Variants in FYB1 observed in about 807,000 individuals in gnomAD.
The protein encoded by FYB1 is FYN-binding protein 1.
FYB1 carries 41 observed loss-of-function variants against 94.1 expected under a neutral mutation model. The observed-to-expected ratio is 0.44, with a 90% CI of 0.34 to 0.57. FYB1 has a LOEUF of 0.57. Among genes scored for constraint, FYB1 ranks in the 20% least tolerant of loss-of-function variants. FYB1 has a pLI of 0.02. For synonymous variants in FYB1, 367 were observed against 353.2 expected (o/e 1.04, Z -0.44); for missense variants, 1,050 against 976.8 (o/e 1.07, Z -1.00).
At chr5:39,272,499 CT>C (rs1228185601) in intron 1 of FYB1, among the ~76,000 whole-genome samples, 2 of 44,280 alleles carry the variant, frequency 4.5e-5, no homozygotes, top group Non-Finnish European at 2.2e-4. Context: ...CCCGTCTCTA[CT>C]AAAAAAAAAA....
chr5:39,242,498 CA>C (rs1470437457), intron 1 of FYB1, among the ~76,000 whole-genome samples: 1 of 152,090 alleles, frequency 6.6e-6, no homozygotes, highest in African/African-American at 2.4e-5. Context: ...CATAGTATTC[CA>C]TGGTGTATAT....
intron 2 of FYB1, among the ~76,000 whole-genome samples, chr5:39,198,287 T>C (rs908276060): frequency 4.6e-5 from 7 of 152,204 alleles, no homozygotes; most frequent in African/African-American, 1.7e-4. Flanking sequence ...CCACTGACTT[T>C]GAAGTCTACA....
At chr5:39,139,151 T>C (rs1741925342) in intron 5 of FYB1, 82 bp downstream of exon 5, 1 of 1,274,966 alleles carries the variant, frequency 7.8e-7, no homozygotes, top group Non-Finnish European at 1.1e-6. Flanking sequence ...TTGTTTGTTT[T>C]GTACCAATAC....
chr5:39,109,680 A>G (rs1247600139), intron 17 of FYB1, among the ~76,000 whole-genome samples: 1 of 152,028 alleles, frequency 6.6e-6, no homozygotes, highest in Non-Finnish European at 1.5e-5. Flanking sequence ...AATTCTGTAA[A>G]TCTTTGCATT....
intron 6 of FYB1, 61 bp downstream of exon 6, chr5:39,138,596 C>G: frequency 1.0e-6 from 1 of 985,336 alleles, no homozygotes; most frequent in Non-Finnish European, 1.6e-6. Flanking sequence ...CACTCTCCCT[C>G]ATACAAAACA....
intron 2 of FYB1, among the ~76,000 whole-genome samples, chr5:39,190,350 T>C (rs1561237708): frequency 1.3e-5 from 2 of 152,084 alleles, no homozygotes; most frequent in Non-Finnish European, 2.9e-5. Flanking sequence ...GGGAGAAAGT[T>C]GGTTGGGGGC....
intron 3 of FYB1, among the ~76,000 whole-genome samples, chr5:39,145,362 T>C (rs920801029): frequency 6.6e-6 from 1 of 152,186 alleles, no homozygotes; most frequent in African/African-American, 2.4e-5. Flanking sequence ...ATTAAATATG[T>C]TAATATATAC....
intron 1 of FYB1, among the ~76,000 whole-genome samples, chr5:39,238,622 G>A (rs897885966): frequency 1.3e-5 from 2 of 151,950 alleles, no homozygotes; most frequent in African/African-American, 4.8e-5. Flanking sequence ...TGCAAGAAGA[G>A]AGAAAAAAGA....
chr5:39,114,090 A>G (rs1158086518), intron 16 of FYB1, among the ~76,000 whole-genome samples: 2 of 152,160 alleles, frequency 1.3e-5, no homozygotes, highest in Non-Finnish European at 2.9e-5. Context: ...ATTTGGGAAG[A>G]TCGAAAGCAC....
At position 39,161,949 on chromosome 5, in the gene FYB1, A is replaced by G. The variant is rs570635216; in HGVS notation, c.1136-8345T>C. On this transcript the variant is annotated intron_variant, in intron 2 of 18. Transcript: ENST00000512982. ...TATTTCATGTCAACAGAATCATACA[A>G]TATGTGGTTGTTTGTGACTAGTTTC... 1.8e-4 allele frequency among the ~76,000 whole-genome samples: 27 copies of G among 152,200 alleles called. 1 individual carries two copies. The highest frequency in any genetic ancestry group is 4.6e-4 in the Admixed American group (7 of 15,284).
chr5:39,133,734 A>G (rs1019422503), intron 9 of FYB1, among the ~76,000 whole-genome samples: 1 of 152,134 alleles, frequency 6.6e-6, no homozygotes, highest in African/African-American at 2.4e-5. Flanking sequence ...TAGGGATCAT[A>G]AAAAAACGGA....
chr5:39,148,155 TTA>T (rs10528848), intron 3 of FYB1, among the ~76,000 whole-genome samples: 501 of 37,536 alleles, frequency 0.013, no homozygotes, highest in Non-Finnish European at 0.017. Flanking sequence ...TATGTATTTT[TTA>T]TATATATATA....
intron 1 of FYB1, among the ~76,000 whole-genome samples, chr5:39,206,719 T>A (rs899529353): frequency 7.9e-5 from 12 of 152,228 alleles, no homozygotes; most frequent in Non-Finnish European, 2.9e-5. Context: ...ATAAACTACA[T>A]GGTGACCTTC....
At chr5:39,110,661 T>C (rs1159264011) in intron 16 of FYB1, 1 of 327,360 alleles carries the variant, frequency 3.1e-6, no homozygotes, top group African/African-American at 2.2e-5. Context: ...AAAGCAACTT[T>C]TTTCATTAAG....
upstream of FYB1, among the ~76,000 whole-genome samples, chr5:39,219,903 G>A (rs940061962): frequency 2.0e-5 from 3 of 152,132 alleles, no homozygotes; most frequent in Non-Finnish European, 4.4e-5. Context: ...AAAGGGGGAT[G>A]CTTACAATTA....
At chr5:39,119,705 C>T (rs191629662) in intron 14 of FYB1, 71 bp from the exon 15 acceptor site, 104 of 1,319,444 alleles carry the variant, frequency 7.9e-5, no homozygotes, top group Admixed American at 3.1e-4. Context: ...ATAACAGAGA[C>T]GATTCATAGC....
rs369724916 is a variant in FYB1, at chr5:39,126,327, C to T, written c.1908-192G>A. 6.3e-4 allele frequency among the ~76,000 whole-genome samples: 78 copies of T among 123,686 alleles called. No individual in the cohort carries two copies. In the South Asian group the frequency reaches 0.012, roughly 19 times the overall value. The allele number at this position is 123,686 out of a possible 152,430, so 81.1% of individuals were successfully genotyped here. A position where few individuals can be genotyped will look rare whatever the true frequency, so the allele number is the denominator to read the frequency against. On this transcript the variant is annotated intron_variant, in intron 11 of 18. Coordinates refer to ENST00000512982, the MANE Select transcript of FYB1 (RefSeq NM_001465.6). ...TCATGGTGATTGAATACTGCTCCTA[C>T]GAACCTGATCATTTTTTTTTCTATC... is the stretch of plus-strand genomic sequence containing the variant.
At position 39,110,391 on chromosome 5, in the gene FYB1, T is replaced by C; in HGVS notation, c.2402-2A>G. 2 of 1,589,016 alleles carry C rather than the reference T, an allele frequency of 1.3e-6. No individual in the cohort carries two copies. ...GGTAACTCCGAAGGACATAACCATC[T>C]ACGAAGGAAAAAGGAAATAAATTGT... is the stretch of plus-strand genomic sequence containing the variant. On this transcript the variant is annotated splice_acceptor_variant, in intron 16 of 18. Transcript: ENST00000512982. LOFTEE classifies it high-confidence loss of function.
chr5:39,153,853 A>C (rs1489693274), intron 2 of FYB1, among the ~76,000 whole-genome samples: 1 of 152,072 alleles, frequency 6.6e-6, no homozygotes, highest in Non-Finnish European at 1.5e-5. Flanking sequence ...GGTTCACTGT[A>C]AGCTCAGACT....
Sources: allele counts gnomAD v4.1 joint callset (sites outside exome capture counted in the v4.1 genomes callset), GRCh38; gene constraint gnomAD v4.1.1; transcripts MANE v1.5; gene names NCBI Gene and HGNC (gene_info 2026-07-23, HGNC 2026-07-21).